The following STARD13 variants were observed in gnomAD, a reference collection of about 807,000 sequenced individuals.
STARD13 encodes stAR-related lipid transfer protein 13.
Under a neutral mutation model 106.4 loss-of-function variants are expected in STARD13, and 62 were observed. The ratio of observed to expected loss-of-function variants is 0.58; its 90% CI spans 0.48 to 0.72. The LOEUF (loss-of-function observed/expected upper bound fraction) is 0.72. Among genes scored for constraint, STARD13 ranks in the 30% least tolerant of loss-of-function variants. The pLI, the probability that STARD13 is intolerant of heterozygous loss-of-function variation, is 0.00. For synonymous variants in STARD13, 565 were observed against 553.0 expected (o/e 1.02, Z -0.31); for missense variants, 1,387 against 1,424.0 (o/e 0.97, Z 0.42).
the STARD13 span, among the ~76,000 whole-genome samples, chr13:33,669,053 G>A: frequency 1.3e-5 from 2 of 152,142 alleles, no homozygotes; most frequent in Non-Finnish European, 2.9e-5. Context: ...CAAGTGGCAG[G>A]TCCTGGATCA....
At chr13:33,281,145 T>C (rs1891758413) in intron 1 of STARD13, 1 of 152,210 alleles carries the variant, frequency 6.6e-6, no homozygotes, top group African/African-American at 2.4e-5. Context: ...TGAGCAATCA[T>C]AGTCCATCCA....
intron 4 of STARD13, among the ~76,000 whole-genome samples, chr13:33,139,053 G>T (rs1879462612): frequency 6.6e-6 from 1 of 152,096 alleles, no homozygotes; most frequent in Non-Finnish European, 1.5e-5. Flanking sequence ...AAAATCTACA[G>T]GATTAAACAC....
the STARD13 span, among the ~76,000 whole-genome samples, chr13:33,660,967 T>C: frequency 6.6e-6 from 1 of 152,210 alleles, no homozygotes; most frequent in Non-Finnish European, 1.5e-5. Flanking sequence ...ACATGTAAAG[T>C]TAAATTTCAG....
chr13:33,634,115 G>A, the STARD13 span, among the ~76,000 whole-genome samples: 1 of 152,166 alleles, frequency 6.6e-6, no homozygotes, highest in East Asian at 1.9e-4. Flanking sequence ...AACATGGATT[G>A]TTTAAATAAC....
the STARD13 span, among the ~76,000 whole-genome samples, chr13:33,540,483 G>C: frequency 1.3e-5 from 2 of 152,204 alleles, no homozygotes; most frequent in African/African-American, 4.8e-5. Flanking sequence ...GTTCTGGGAG[G>C]CACAGAGAGA....
intron 1 of STARD13, among the ~76,000 whole-genome samples, chr13:33,202,476 A>C (rs901592485): frequency 6.6e-6 from 1 of 152,220 alleles, no homozygotes; most frequent in Non-Finnish European, 1.5e-5. Context: ...CTTGAACACC[A>C]ACCAGACATA....
At chr13:33,167,649 G>T in intron 1 of STARD13, 27 bp from the exon 2 acceptor site, 1 of 1,606,942 alleles carries the variant, frequency 6.2e-7, no homozygotes, top group Non-Finnish European at 8.5e-7. Flanking sequence ...AGATAAAATT[G>T]TGAGTCCCAC....
the STARD13 span, among the ~76,000 whole-genome samples, chr13:33,579,441 A>G: frequency 1.3e-5 from 2 of 152,160 alleles, no homozygotes; most frequent in East Asian, 1.9e-4. Flanking sequence ...GAGCTAAGCT[A>G]CAGGTACACA....
intron 3 of STARD13, among the ~76,000 whole-genome samples, chr13:33,163,399 G>A (rs1167692514): frequency 6.6e-6 from 1 of 151,466 alleles, no homozygotes; most frequent in Non-Finnish European, 1.5e-5. Context: ...AGACCAGCCT[G>A]GCCAACATGG....
chr13:33,284,512 G>A (rs1044630996), intron 1 of STARD13, among the ~76,000 whole-genome samples: 16 of 151,898 alleles, frequency 1.1e-4, no homozygotes, highest in African/African-American at 3.9e-4. Flanking sequence ...GGAGGAGGGT[G>A]ATCATTAACT....
chr13:33,271,019 G>A (rs1891133636), intron 1 of STARD13, among the ~76,000 whole-genome samples: 1 of 152,172 alleles, frequency 6.6e-6, no homozygotes, highest in Non-Finnish European at 1.5e-5. Context: ...AAGCCAGGGA[G>A]GAGGTCTGTT....
chr13:33,320,376 A>G (rs192938550), intron 1 of STARD13, among the ~76,000 whole-genome samples: 3 of 152,288 alleles, frequency 2.0e-5, no homozygotes, highest in Non-Finnish European at 1.5e-5. Flanking sequence ...AAGGCATTGC[A>G]GGGTCTCTAG....
the STARD13 span, chr13:33,659,766 C>G: frequency 6.6e-6 from 1 of 152,172 alleles, no homozygotes; most frequent in East Asian, 1.9e-4. Context: ...TTTCAGGCAT[C>G]AGTTGCAGCT....
At chr13:33,218,721 T>C (rs975317736) in intron 1 of STARD13, among the ~76,000 whole-genome samples, 5 of 152,240 alleles carry the variant, frequency 3.3e-5, no homozygotes, top group Non-Finnish European at 5.9e-5. Context: ...CAGAGTACTA[T>C]ATAAATTCAG....
At chr13:33,493,323 C>T in the STARD13 span, among the ~76,000 whole-genome samples, 15 of 152,144 alleles carry the variant, frequency 9.9e-5, no homozygotes, top group Admixed American at 3.9e-4. Flanking sequence ...TATCCCAACC[C>T]CTCCAAAGTC....
At chr13:33,184,580 C>T (rs966652170) in intron 1 of STARD13, among the ~76,000 whole-genome samples, 2 of 152,178 alleles carry the variant, frequency 1.3e-5, no homozygotes, top group African/African-American at 2.4e-5. Context: ...GAGCAAGTCT[C>T]ATTACATCTC....
the STARD13 span, among the ~76,000 whole-genome samples, chr13:33,448,427 G>A: frequency 6.6e-6 from 1 of 152,102 alleles, no homozygotes; most frequent in African/African-American, 2.4e-5. Context: ...GTTGCCACAA[G>A]TGACAAAATA....
the STARD13 span, among the ~76,000 whole-genome samples, chr13:33,603,629 C>G: frequency 6.6e-6 from 1 of 152,078 alleles, no homozygotes; most frequent in South Asian, 2.1e-4. Context: ...TTCTAAACAT[C>G]AGGAACTCCC....
the STARD13 span, among the ~76,000 whole-genome samples, chr13:33,644,676 C>T: frequency 2.6e-5 from 4 of 152,212 alleles, 1 homozygote; most frequent in Admixed American, 2.6e-4. Flanking sequence ...CCACTCCAAG[C>T]CTATAATTGA....
Sources: gnomAD v4.1 joint callset for allele counts (sites outside exome capture counted in the v4.1 genomes callset) on GRCh38, gnomAD v4.1.1 for gene constraint, MANE v1.5 for transcripts, NCBI Gene and HGNC (gene_info 2026-07-23, HGNC 2026-07-21) for gene names.